HTR7: variants seen among roughly 807,000 people sequenced by gnomAD.
The protein encoded by HTR7 is 5-HT-7.
In HTR7, 16 loss-of-function variants were observed where a neutral mutation model predicts 34.0. The ratio of observed to expected loss-of-function variants is 0.47; its 90% CI spans 0.32 to 0.71. HTR7 has a LOEUF of 0.71. Among genes scored for constraint, HTR7 ranks in the 30% least tolerant of loss-of-function variants. The pLI is 0.04. For missense variants in HTR7, 504 were observed against 625.5 expected, an observed-to-expected ratio of 0.81 and a Z score of 2.07; for synonymous variants, 265 against 260.2, an observed-to-expected ratio of 1.02 and a Z score of -0.18.
chr10:90,805,522 G>C (rs946524187), intron 1 of HTR7, among the ~76,000 whole-genome samples: 1 of 152,142 alleles, frequency 6.6e-6, no homozygotes, highest in Non-Finnish European at 1.5e-5. Context: ...CCTTTGTTTT[G>C]TTCTAAGTTC....
intron 1 of HTR7, among the ~76,000 whole-genome samples, chr10:90,804,662 G>A (rs1195119469): frequency 1.3e-5 from 2 of 152,314 alleles, no homozygotes; most frequent in East Asian, 3.9e-4. Flanking sequence ...CAGGTAATAA[G>A]AGATCTGAAA....
At chr10:90,780,421 C>T (rs567997946) in intron 1 of HTR7, among the ~76,000 whole-genome samples, 17 of 151,536 alleles carry the variant, frequency 1.1e-4, no homozygotes, top group African/African-American at 3.9e-4. Flanking sequence ...CTTGTAATCC[C>T]AGCTACTCGG....
chr10:90,759,685 A>C (rs990540205), intron 1 of HTR7, among the ~76,000 whole-genome samples: 8 of 141,614 alleles, frequency 5.6e-5, no homozygotes, highest in African/African-American at 1.8e-4. Context: ...AAAAAAAAAA[A>C]CCAGGGAAAC....
intron 1 of HTR7, among the ~76,000 whole-genome samples, chr10:90,851,949 A>C (rs896537972): frequency 3.3e-5 from 5 of 152,180 alleles, no homozygotes; most frequent in Non-Finnish European, 5.9e-5. Flanking sequence ...CATGATTGTG[A>C]GGCCTCTCCA....
intron 1 of HTR7, among the ~76,000 whole-genome samples, chr10:90,782,642 G>A (rs1845322340): frequency 6.6e-6 from 1 of 151,712 alleles, no homozygotes; most frequent in African/African-American, 2.4e-5. Flanking sequence ...AAATAATTGT[G>A]CTCTTAAATG....
chr10:90,811,300 T>C (rs951632016), intron 1 of HTR7, among the ~76,000 whole-genome samples: 16 of 152,170 alleles, frequency 1.1e-4, no homozygotes, highest in African/African-American at 4.8e-5. Context: ...TCAGAGGCCC[T>C]TAAAATCACA....
At chr10:90,826,259 C>G (rs889446982) in intron 1 of HTR7, among the ~76,000 whole-genome samples, 2 of 151,970 alleles carry the variant, frequency 1.3e-5, no homozygotes, top group African/African-American at 4.8e-5. Context: ...GTGAAAATAT[C>G]CTTCAAACAT....
At chr10:90,768,917 G>A (rs994895054) in intron 1 of HTR7, among the ~76,000 whole-genome samples, 2 of 152,198 alleles carry the variant, frequency 1.3e-5, no homozygotes, top group African/African-American at 4.8e-5. Context: ...TTGAAGAAAA[G>A]GAAGAATGTT....
intron 1 of HTR7, among the ~76,000 whole-genome samples, chr10:90,771,099 G>T (rs192439560): frequency 2.6e-4 from 40 of 152,236 alleles, no homozygotes; most frequent in South Asian, 1.2e-3. Context: ...ACCAGCTGCA[G>T]ACAGGAGCTA....
At chr10:90,778,124 C>G (rs746274130) in intron 1 of HTR7, among the ~76,000 whole-genome samples, 29 of 152,182 alleles carry the variant, frequency 1.9e-4, no homozygotes, top group Non-Finnish European at 4.0e-4. Context: ...GCAGAGTAGA[C>G]CACTGGACAT....
chr10:90,802,361 T>A (rs999907232), intron 1 of HTR7, among the ~76,000 whole-genome samples: 3 of 152,226 alleles, frequency 2.0e-5, no homozygotes, highest in African/African-American at 7.2e-5. Context: ...AAAAGTTCCA[T>A]CCCTCCGGGG....
Position 90,794,742 on chromosome 10 carries a change from A to G in HTR7, c.540-45148T>C, listed in dbSNP as rs143430602. ...GATCTCAAACTCCTGGGCTCAAGCA[A>G]TCCTCCTACCTCAGCCTCCCAAAGT... On this transcript the variant is annotated intron_variant, in intron 1 of 3. Transcript: ENST00000336152. Among the ~76,000 whole-genome samples the G allele has an allele frequency of 5.8e-3, 888 of 152,244 alleles. 5 individuals are homozygous for G. The highest frequency in any genetic ancestry group is 0.017 in the Middle Eastern group (5 of 294).
intron 1 of HTR7, among the ~76,000 whole-genome samples, chr10:90,807,267 G>T (rs1187842150): frequency 6.6e-6 from 1 of 152,160 alleles, no homozygotes; most frequent in Non-Finnish European, 1.5e-5. Context: ...TTATTGGGCT[G>T]GGCACGGTGG....
At chr10:90,821,853 C>T (rs1228313915) in intron 1 of HTR7, among the ~76,000 whole-genome samples, 2 of 106,006 alleles carry the variant, frequency 1.9e-5, no homozygotes, top group Non-Finnish European at 4.3e-5. Context: ...TCCCCCTTCA[C>T]TCTCTCTCTC....
intron 1 of HTR7, among the ~76,000 whole-genome samples, chr10:90,784,156 C>A (rs978889424): frequency 6.6e-6 from 1 of 152,192 alleles, no homozygotes; most frequent in Non-Finnish European, 1.5e-5. Flanking sequence ...CAGCTGCCAG[C>A]CAGCTGAGGA....
At chr10:90,752,040 T>G (rs1844746993) in intron 1 of HTR7, among the ~76,000 whole-genome samples, 1 of 152,216 alleles carries the variant, frequency 6.6e-6, no homozygotes, top group Non-Finnish European at 1.5e-5. Flanking sequence ...CTGCCCTGGA[T>G]GTACAAATTA....
intron 1 of HTR7, among the ~76,000 whole-genome samples, chr10:90,823,240 A>G (rs1846015057): frequency 6.6e-6 from 1 of 152,218 alleles, no homozygotes; most frequent in South Asian, 2.1e-4. Context: ...CCATAAAAGC[A>G]GCCGAGGGGG....
At chr10:90,772,504 C>A (rs1845131905) in intron 1 of HTR7, among the ~76,000 whole-genome samples, 2 of 152,138 alleles carry the variant, frequency 1.3e-5, no homozygotes, top group African/African-American at 4.8e-5. Flanking sequence ...TGCTATTTAT[C>A]TCCTATTTCC....
intron 1 of HTR7, among the ~76,000 whole-genome samples, chr10:90,750,398 T>C (rs1264520753): frequency 6.6e-6 from 1 of 152,182 alleles, no homozygotes; most frequent in Non-Finnish European, 1.5e-5. Flanking sequence ...TGATCAAGGA[T>C]TTGTAATGCA....
Sources: allele counts gnomAD v4.1 joint callset (sites outside exome capture counted in the v4.1 genomes callset), GRCh38; gene constraint gnomAD v4.1.1; transcripts MANE v1.5; gene names NCBI Gene and HGNC (gene_info 2026-07-23, HGNC 2026-07-21).